CTNNA2: variants seen among roughly 807,000 people sequenced by gnomAD.
The protein encoded by CTNNA2 is catenin alpha 2, also known as catenin alpha-2.
A neutral mutation model predicts 101.0 loss-of-function variants in CTNNA2; 42 were observed. The ratio of observed to expected loss-of-function variants is 0.42; its 90% CI spans 0.32 to 0.54. The LOEUF is 0.54. Among genes scored for constraint, CTNNA2 ranks in the 20% least tolerant of loss-of-function variants. The pLI, the probability that CTNNA2 is intolerant of heterozygous loss-of-function variation, is 0.14. For missense variants in CTNNA2, 871 were observed against 1,223.1 expected (o/e 0.71, Z 4.29); for synonymous variants, 450 against 456.4 (o/e 0.99, Z 0.18).
intron 9 of CTNNA2, among the ~76,000 whole-genome samples, chr2:80,542,146 AAAT>A (rs145403158): frequency 0.072 from 10,876 of 151,890 alleles, 904 homozygotes; most frequent in African/African-American, 0.2. Flanking sequence ...GCATGCTTTA[AAAT>A]AATAATAACT....
At chr2:80,063,555 G>A (rs1697758437) in intron 7 of CTNNA2, among the ~76,000 whole-genome samples, 2 of 152,230 alleles carry the variant, frequency 1.3e-5, no homozygotes, top group Non-Finnish European at 2.9e-5. Flanking sequence ...TCACGTAACT[G>A]TCTACAGTTA....
chr2:80,415,160 A>G (rs1331089522), intron 8 of CTNNA2, among the ~76,000 whole-genome samples: 1 of 152,200 alleles, frequency 6.6e-6, no homozygotes, highest in East Asian at 1.9e-4. Flanking sequence ...CTGGGTCAGT[A>G]ACAGAACACT....
intron 7 of CTNNA2, among the ~76,000 whole-genome samples, chr2:79,999,890 G>T (rs1692818629): frequency 6.6e-6 from 1 of 152,270 alleles, no homozygotes; most frequent in East Asian, 1.9e-4. Flanking sequence ...TTACTGACGT[G>T]TTCATGGTTG....
chr2:80,561,497 AT>A (rs929666843), intron 12 of CTNNA2, among the ~76,000 whole-genome samples: 24 of 152,312 alleles, frequency 1.6e-4, no homozygotes, highest in African/African-American at 4.8e-4. Flanking sequence ...CACAGTAAGC[AT>A]GTCAGTTTCC....
chr2:79,230,202 G>A (rs1011038556), intron 2 of CTNNA2, among the ~76,000 whole-genome samples: 4 of 152,232 alleles, frequency 2.6e-5, no homozygotes, highest in African/African-American at 4.8e-5. Context: ...GCATGTCAGA[G>A]GTTTTCACCA....
intron 7 of CTNNA2, among the ~76,000 whole-genome samples, chr2:80,104,202 A>G (rs558683879): frequency 2.0e-5 from 3 of 152,308 alleles, no homozygotes; most frequent in Middle Eastern, 6.8e-3. Flanking sequence ...AGCTCCGCTC[A>G]AGAGTTGGTT....
chr2:79,425,200 G>A (rs549507959), intron 4 of CTNNA2, among the ~76,000 whole-genome samples: 1 of 152,262 alleles, frequency 6.6e-6, no homozygotes, highest in South Asian at 2.1e-4. Context: ...CTGGCTAAGA[G>A]TGGATGATTA....
Position 79,744,491 on chromosome 2 carries a change from G to C in CTNNA2, c.207G>C (p.Gln69His). 6.2e-7 allele frequency: 1 copy of C among 1,614,054 alleles called. No individual in the cohort carries two copies. The highest frequency in any genetic ancestry group is 8.5e-7 in the Non-Finnish European group (1 of 1,179,958). Residue 69 changes from glutamine (Q) to histidine (H), a missense_variant, in exon 3 of 19, where the codon CAG (glutamine) becomes CAC (histidine). Coordinates refer to ENST00000402739, the MANE Select transcript of CTNNA2 (RefSeq NM_001282597.3). ...VLAASVEQAT[Q>H]NFLEKGEQIA... is the part of the protein sequence containing the mutation. ...CTGCCTCTGTAGAGCAAGCCACTCA[G>C]AATTTCCTGGAAAAGGGTGAACAGA...
chr2:79,589,730 A>C (rs1676726177), intron 1 of CTNNA2, among the ~76,000 whole-genome samples: 1 of 149,402 alleles, frequency 6.7e-6, no homozygotes, highest in Admixed American at 6.7e-5. Flanking sequence ...CCCCCCCGAG[A>C]CACGAATTTA....
intron 9 of CTNNA2, among the ~76,000 whole-genome samples, chr2:80,447,735 C>A (rs916614141): frequency 6.6e-6 from 1 of 151,690 alleles, no homozygotes. Context: ...CTTGATGTAC[C>A]CAACCTTTCA....
At chr2:79,251,745 A>G (rs1174431070) in intron 2 of CTNNA2, among the ~76,000 whole-genome samples, 1 of 152,134 alleles carries the variant, frequency 6.6e-6, no homozygotes, top group African/African-American at 2.4e-5. Flanking sequence ...TTGGGCCTGG[A>G]CATGACTGCA....
chr2:79,883,743 G>A (rs1683624881), intron 6 of CTNNA2, among the ~76,000 whole-genome samples: 1 of 151,970 alleles, frequency 6.6e-6, no homozygotes, highest in African/African-American at 2.4e-5. Flanking sequence ...CTTGTTTTTG[G>A]AATCTTGTTT....
At chr2:79,694,667 A>T (rs2104720594) in intron 2 of CTNNA2, among the ~76,000 whole-genome samples, 1 of 151,976 alleles carries the variant, frequency 6.6e-6, no homozygotes, top group African/African-American at 2.4e-5. Context: ...CTTGAGTGTT[A>T]GATGTTAGTG....
chr2:80,227,541 A>G (rs1010382985), intron 7 of CTNNA2, among the ~76,000 whole-genome samples: 6 of 152,206 alleles, frequency 3.9e-5, no homozygotes, highest in African/African-American at 1.4e-4. Flanking sequence ...ATAGAAGCAC[A>G]GACAGGAGCT....
intron 9 of CTNNA2, among the ~76,000 whole-genome samples, chr2:80,421,175 A>G (rs758311559): frequency 1.3e-5 from 2 of 152,196 alleles, no homozygotes; most frequent in African/African-American, 4.8e-5. Flanking sequence ...AATAATGCTG[A>G]TGGGTGCTAC....
chr2:79,778,508 C>A (rs1425488386), intron 3 of CTNNA2, among the ~76,000 whole-genome samples: 1 of 151,948 alleles, frequency 6.6e-6, no homozygotes, highest in Non-Finnish European at 1.5e-5. Flanking sequence ...GGAAAAAAAA[C>A]CTACTTGGTC....
chr2:80,180,989 A>G (rs773995279), intron 7 of CTNNA2, among the ~76,000 whole-genome samples: 3 of 152,136 alleles, frequency 2.0e-5, no homozygotes, highest in East Asian at 1.9e-4. Flanking sequence ...TGTTCCTTCC[A>G]TCATTATCCC....
intron 9 of CTNNA2, among the ~76,000 whole-genome samples, chr2:80,511,333 C>A (rs1475629985): frequency 1.3e-5 from 2 of 152,154 alleles, no homozygotes; most frequent in East Asian, 1.9e-4. Flanking sequence ...CGGTTTGAAG[C>A]CTTTATCCAA....
intron 13 of CTNNA2, among the ~76,000 whole-genome samples, chr2:80,578,330 GTC>G (rs1202873641): frequency 1.3e-5 from 2 of 152,140 alleles, no homozygotes; most frequent in Non-Finnish European, 2.9e-5. Flanking sequence ...TTCACCCTCA[GTC>G]TCTATCCTCC....
Sources: allele counts gnomAD v4.1 joint callset (sites outside exome capture counted in the v4.1 genomes callset), GRCh38; gene constraint gnomAD v4.1.1; transcripts MANE v1.5; gene names NCBI Gene and HGNC (gene_info 2026-07-23, HGNC 2026-07-21).